Variants in NCALD observed in about 807,000 individuals in gnomAD.
NCALD encodes neurocalcin-delta.
Under a neutral mutation model 18.6 loss-of-function variants are expected in NCALD, and 10 were observed. The ratio of observed to expected loss-of-function variants is 0.54; its 90% CI spans 0.33 to 0.91. NCALD has a LOEUF of 0.91. Ranked by LOEUF, NCALD falls within the 40% of genes least tolerant of loss-of-function variation. The pLI is 0.03. For synonymous variants in NCALD, 88 were observed against 87.4 expected, an observed-to-expected ratio of 1.01 and a Z score of -0.04; for missense variants, 184 against 247.6, an observed-to-expected ratio of 0.74 and a Z score of 1.72.
intron 4 of NCALD, among the ~76,000 whole-genome samples, chr8:101,880,009 G>T (rs1485454252): frequency 6.6e-6 from 1 of 151,694 alleles, no homozygotes; most frequent in African/African-American, 2.4e-5. Flanking sequence ...CGGTGGATGG[G>T]ACTGGGCGCC....
At chr8:101,795,424 T>C (rs1166375902), upstream of NCALD, among the ~76,000 whole-genome samples, 1 of 152,198 alleles carries the variant, frequency 6.6e-6, no homozygotes, top group Non-Finnish European at 1.5e-5. Context: ...TCAAGGCTCC[T>C]ACAGATGTGG....
At chr8:101,850,333 C>T (rs111749545) in intron 4 of NCALD, among the ~76,000 whole-genome samples, 1,719 of 152,266 alleles carry the variant, frequency 0.011, 21 homozygotes, top group African/African-American at 0.018. Flanking sequence ...GCTGTATAAA[C>T]GAACCTAACA....
intron 1 of NCALD, among the ~76,000 whole-genome samples, chr8:101,738,905 GTCTC>G (rs924725978): frequency 1.2e-4 from 18 of 152,066 alleles, no homozygotes; most frequent in African/African-American, 3.9e-4. Flanking sequence ...CATCATTCTT[GTCTC>G]TCTGACTCTA....
At chr8:101,926,491 T>G (rs1013183407) in intron 2 of NCALD, among the ~76,000 whole-genome samples, 1 of 152,210 alleles carries the variant, frequency 6.6e-6, no homozygotes, top group Non-Finnish European at 1.5e-5. Flanking sequence ...AAGCTCTTTA[T>G]ATGAGTTATC....
intron 2 of NCALD, among the ~76,000 whole-genome samples, chr8:101,701,292 C>T (rs951006743): frequency 2.6e-5 from 4 of 152,222 alleles, no homozygotes; most frequent in African/African-American, 9.6e-5. Flanking sequence ...TCAGTCCCCA[C>T]CCCTTCTACA....
chr8:101,727,110 CT>C (rs1816606828), intron 1 of NCALD, among the ~76,000 whole-genome samples: 1 of 152,176 alleles, frequency 6.6e-6, no homozygotes. Context: ...AATTGGAGCT[CT>C]TGGTATTTTC....
rs563441453 is a variant in NCALD, at chr8:101,738,997, C to T, written c.-19-19349G>A. Among the ~76,000 whole-genome samples, 12 of 152,228 alleles carry T rather than the reference C, an allele frequency of 7.9e-5. No homozygotes were observed. In the South Asian group the frequency reaches 2.1e-3, roughly 26 times the overall value. Reference sequence around the variant, plus strand: ...CCTCAAACTTGCCTGGCATTATCCCCCCATTTAGGGTACACGTGCTGTTCT... The same window carrying T: ...CCTCAAACTTGCCTGGCATTATCCCTCCATTTAGGGTACACGTGCTGTTCT... On this transcript the variant is annotated intron_variant, in intron 1 of 3. Coordinates refer to ENST00000220931, the MANE Select transcript of NCALD (RefSeq NM_032041.3).
At chr8:101,710,283 C>T (rs771829428) in intron 2 of NCALD, among the ~76,000 whole-genome samples, 1 of 152,190 alleles carries the variant, frequency 6.6e-6, no homozygotes, top group Non-Finnish European at 1.5e-5. Context: ...CTGGGAGATT[C>T]CTTCAGGTGC....
At chr8:101,787,412 A>G (rs1258062813) in intron 1 of NCALD, among the ~76,000 whole-genome samples, 2 of 152,200 alleles carry the variant, frequency 1.3e-5, no homozygotes, top group Non-Finnish European at 2.9e-5. Flanking sequence ...TTTGGATTGA[A>G]TTTAAACAAC....
intron 1 of NCALD, among the ~76,000 whole-genome samples, chr8:102,058,073 T>C (rs17414857): frequency 0.12 from 18,353 of 152,126 alleles, 1,330 homozygotes; most frequent in African/African-American, 0.2. Flanking sequence ...TTAGGAGACT[T>C]AAAACAGCCA....
chr8:101,935,807 A>C (rs1355210997), intron 2 of NCALD, among the ~76,000 whole-genome samples: 2 of 102,694 alleles, frequency 1.9e-5, no homozygotes, highest in Non-Finnish European at 4.1e-5. Flanking sequence ...TTTTTTTTTA[A>C]AGATGGAAGA....
chr8:101,994,814 T>A (rs1040469739), intron 2 of NCALD, among the ~76,000 whole-genome samples: 2 of 152,236 alleles, frequency 1.3e-5, no homozygotes, highest in Non-Finnish European at 2.9e-5. Flanking sequence ...CCTAGAACAA[T>A]ACCCAGCAAG....
intron 1 of NCALD, among the ~76,000 whole-genome samples, chr8:101,729,692 A>G (rs535011578): frequency 2.6e-5 from 4 of 152,308 alleles, no homozygotes; most frequent in African/African-American, 9.6e-5. Context: ...TCCCTACAGC[A>G]TGAGATAAAG....
chr8:101,728,413 CTG>C (rs1816666241), intron 1 of NCALD, among the ~76,000 whole-genome samples: 1 of 152,186 alleles, frequency 6.6e-6, no homozygotes, highest in Non-Finnish European at 1.5e-5. Flanking sequence ...TCAATGCAAA[CTG>C]CACCAAAGTC....
intron 1 of NCALD, among the ~76,000 whole-genome samples, chr8:101,755,183 T>C (rs547581247): frequency 4.6e-4 from 70 of 152,348 alleles, no homozygotes; most frequent in African/African-American, 1.3e-3. Flanking sequence ...TAATGCACTG[T>C]TCACAGTTAA....
At position 101,921,861 on chromosome 8, in the gene NCALD, G is replaced by GA. The variant is rs940531149; in HGVS notation, c.-156-6004dup. ...TTTCCAAGTATGATTTTTTAACTGA[G>GA]AAAAAATCTGTGAAATAATTTTTAT... On this transcript the variant is annotated intron_variant, in intron 2 of 6. Coordinates refer to the NCALD transcript ENST00000311028. Among the ~76,000 whole-genome samples the GA allele has an allele frequency of 1.2e-4, 18 of 151,850 alleles. 1 individual carries two copies. The highest frequency in any genetic ancestry group is 1.2e-4 in the Non-Finnish European group (8 of 67,962).
At chr8:101,898,946 A>T (rs1162850034) in intron 3 of NCALD, among the ~76,000 whole-genome samples, 1 of 152,100 alleles carries the variant, frequency 6.6e-6, no homozygotes, top group African/African-American at 2.4e-5. Flanking sequence ...GAATTTCATT[A>T]AACTTGAATC....
chr8:101,822,988 A>T (rs1381693981), intron 4 of NCALD, among the ~76,000 whole-genome samples: 1 of 152,202 alleles, frequency 6.6e-6, no homozygotes, highest in Non-Finnish European at 1.5e-5. Flanking sequence ...GTGAATGAGA[A>T]ATCCCTTTCT....
At position 102,123,468 on chromosome 8, in the gene NCALD, A is replaced by AG. The variant is rs1197756984; in HGVS notation, c.-210+768_-210+769insC. On this transcript the variant is annotated intron_variant, in intron 1 of 6. Coordinates refer to the NCALD transcript ENST00000311028. ...AAGCATCTGCAGCATTAGAAAAAAA[A>AG]AAAAAAAACTTGTGTATTTCCTGCG... Among the ~76,000 whole-genome samples the AG allele has an allele frequency of 2.6e-5, 4 of 151,564 alleles. No individual in the cohort carries two copies. In the East Asian group the frequency reaches 7.8e-4, roughly 29 times the overall value.
Sources: gnomAD v4.1 joint callset for allele counts (sites outside exome capture counted in the v4.1 genomes callset) on GRCh38, gnomAD v4.1.1 for gene constraint, MANE v1.5 for transcripts, NCBI Gene and HGNC (gene_info 2026-07-23, HGNC 2026-07-21) for gene names.